ASPH: variants seen among roughly 807,000 people sequenced by gnomAD.
The protein encoded by ASPH is aspartate beta-hydroxylase, also known as aspartyl/asparaginyl beta-hydroxylase.
In ASPH, 100 loss-of-function variants were observed where a neutral mutation model predicts 118.4. The ratio of observed to expected loss-of-function variants is 0.84; its 90% CI spans 0.72 to 1.00. The LOEUF is 1.00. Ranked by LOEUF, ASPH falls within the 50% of genes least tolerant of loss-of-function variation. The pLI is 0.00. For missense variants in ASPH, 920 were observed against 919.5 expected (o/e 1.00, Z -0.01); for synonymous variants, 315 against 325.6 (o/e 0.97, Z 0.35).
chr8:61,501,061 A>C lies in ASPH; in HGVS notation c.*2298T>G, dbSNP rs1804815874. On this transcript the variant is annotated 3_prime_UTR_variant, in exon 25 of 25. Coordinates refer to ENST00000379454, the MANE Select transcript of ASPH (RefSeq NM_004318.4). ...AAATAAAGTTGAAACAGAATTAAAAATATTTCTCAAACAACTGTATCACAA... is the reference window on the plus strand; with the variant it reads ...AAATAAAGTTGAAACAGAATTAAAACTATTTCTCAAACAACTGTATCACAA... 6.6e-6 allele frequency: 1 copy of C among 152,082 alleles called. No individual in the cohort carries two copies. The highest frequency in any genetic ancestry group is 6.5e-5 in the Admixed American group (1 of 15,278). 9.4% of individuals were successfully genotyped at this position (152,082 alleles called of 1,614,324 possible).
At chr8:61,588,211 G>A (rs1318139215) in intron 14 of ASPH, among the ~76,000 whole-genome samples, 2 of 151,984 alleles carry the variant, frequency 1.3e-5, no homozygotes, top group Non-Finnish European at 2.9e-5. Flanking sequence ...CAAGTGTTTG[G>A]CCCTTTTTCA....
intron 2 of ASPH, among the ~76,000 whole-genome samples, chr8:61,681,944 T>C (rs1048245956): frequency 1.3e-5 from 2 of 152,022 alleles, no homozygotes; most frequent in African/African-American, 4.8e-5. Flanking sequence ...ATAATGTTAA[T>C]GTACAGCAAT....
chr8:61,610,742 T>A (rs1423457190), intron 14 of ASPH, among the ~76,000 whole-genome samples: 1 of 152,246 alleles, frequency 6.6e-6, no homozygotes, highest in Non-Finnish European at 1.5e-5. Flanking sequence ...TAGCTGGAAC[T>A]GAACCACCAG....
intron 22 of ASPH, among the ~76,000 whole-genome samples, chr8:61,519,468 T>A (rs1012941266): frequency 3.9e-5 from 6 of 152,216 alleles, no homozygotes; most frequent in Non-Finnish European, 8.8e-5. Context: ...ACTGTACTTA[T>A]TTTTTCCCCT....
At position 61,502,277 on chromosome 8, in the gene ASPH, A is replaced by G. The variant is rs1412527793; in HGVS notation, c.*1082T>C. On this transcript the variant is annotated 3_prime_UTR_variant, in exon 25 of 25. Coordinates refer to ENST00000379454, the MANE Select transcript of ASPH (RefSeq NM_004318.4). ...AAAAGGAAAGTAATCTGGACCTCCT[A>G]CGCCCAAGAAAAACATCCTGGCATT... The G allele has an allele frequency of 6.6e-6, 1 of 152,188 alleles. No homozygotes were observed. The highest frequency in any genetic ancestry group is 1.5e-5 in the Non-Finnish European group (1 of 68,034). The allele number at this position is 152,188 out of a possible 1,614,324, so 9.4% of individuals were successfully genotyped here. A position where few individuals can be genotyped will look rare whatever the true frequency, so the allele number is the denominator to read the frequency against.
At chr8:61,547,531 T>TAGG (rs1262694188) in intron 21 of ASPH, among the ~76,000 whole-genome samples, 2 of 152,176 alleles carry the variant, frequency 1.3e-5, no homozygotes, top group Non-Finnish European at 2.9e-5. Context: ...CTACATGAGG[T>TAGG]AGGACATCAC....
chr8:61,711,619 T>C lies in ASPH; in HGVS notation c.103+2650A>G, dbSNP rs552753314. ...AATTCCAGCTTCCAAACATCACTTT[T>C]CAGCAAAAAAACCACCAAGATAAAG... On this transcript the variant is annotated intron_variant, in intron 1 of 24. Transcript: ENST00000379454. Among the ~76,000 whole-genome samples the C allele has an allele frequency of 4.6e-5, 7 of 151,936 alleles. No homozygotes were observed. In the South Asian group the frequency reaches 1.5e-3, roughly 32 times the overall value.
In ASPH at chr8:61,625,886, C is replaced by T. The variant is rs766622543; in HGVS notation, c.935-6867G>A. The T allele has an allele frequency of 5.0e-5, 51 of 1,013,194 alleles. No homozygotes were observed. In the South Asian group the frequency reaches 6.5e-4, roughly 13 times the overall value. 62.8% of individuals were successfully genotyped at this position (1,013,194 alleles called of 1,614,324 possible). The stretch of plus-strand genomic sequence containing the variant: ...TCAGTCCAACAGTTAGTGTTAATTA[C>T]TAATAATATATGAAAACCCTGCCAA... On this transcript the variant is annotated intron_variant, in intron 13 of 24. Coordinates refer to ENST00000379454, the MANE Select transcript of ASPH (RefSeq NM_004318.4).
At chr8:61,536,583 TG>T in intron 21 of ASPH, among the ~76,000 whole-genome samples, 2 of 152,266 alleles carry the variant, frequency 1.3e-5, no homozygotes, top group South Asian at 4.1e-4. Flanking sequence ...GGACATCCTA[TG>T]TGATTAGAGG....
rs958908594 is a variant in ASPH at position 61,709,294 on chromosome 8, A to G, written c.103+4975T>C. On this transcript the variant is annotated intron_variant, in intron 1 of 24. Transcript: ENST00000379454. ...AAAATTTTAAAAATAATGACTAACA[A>G]GAAAATACCATCTTGGCTCCCAGCA... Among the ~76,000 whole-genome samples the G allele has an allele frequency of 9.9e-5, 15 of 152,232 alleles. 1 individual carries two copies. The highest frequency in any genetic ancestry group is 2.9e-5 in the Non-Finnish European group (2 of 68,048).
At chr8:61,517,793 T>A in intron 23 of ASPH, 132 bp from the exon 24 acceptor site, 2 of 1,299,904 alleles carry the variant, frequency 1.5e-6, no homozygotes, top group Non-Finnish European at 2.1e-6. Flanking sequence ...TATATTCAAG[T>A]CTTATTTCTT....
intron 21 of ASPH, among the ~76,000 whole-genome samples, chr8:61,537,902 T>C (rs1015466164): frequency 6.6e-6 from 1 of 152,068 alleles, no homozygotes; most frequent in Admixed American, 6.6e-5. Context: ...CCTCTTTGTA[T>C]GAAATAACTC....
At chr8:61,642,959 A>G in intron 9 of ASPH, 39 bp from the exon 10 acceptor site, 1 of 1,514,834 alleles carries the variant, frequency 6.6e-7, no homozygotes, top group South Asian at 1.2e-5. Flanking sequence ...ATAAGTATTA[A>G]CTGAGTCATT....
chr8:61,577,399 C>CAAAAAAAAAAAA (rs775523503), intron 15 of ASPH, among the ~76,000 whole-genome samples: 34 of 23,282 alleles, frequency 1.5e-3, no homozygotes, highest in South Asian at 2.2e-3. Context: ...CCCAATCTCG[C>CAAAAAAAAAAAA]AAAAAAAAAA....
At chr8:61,557,446 C>T (rs1828282701) in intron 18 of ASPH, among the ~76,000 whole-genome samples, 1 of 152,278 alleles carries the variant, frequency 6.6e-6, no homozygotes, top group Middle Eastern at 3.4e-3. Flanking sequence ...GGCTCAGACT[C>T]TTCCGCCAGA....
At chr8:61,598,861 T>C (rs562957571) in intron 14 of ASPH, among the ~76,000 whole-genome samples, 1 of 152,174 alleles carries the variant, frequency 6.6e-6, no homozygotes, top group African/African-American at 2.4e-5. Flanking sequence ...ATTTTACAAA[T>C]ACATGAAAAT....
chr8:61,524,386 A>G (rs1274082931), intron 22 of ASPH, among the ~76,000 whole-genome samples: 2 of 152,204 alleles, frequency 1.3e-5, no homozygotes, highest in Non-Finnish European at 2.9e-5. Context: ...AAAAAAGAAC[A>G]GGAGAAGGAA....
At chr8:61,609,883 C>CT (rs1177510242) in intron 14 of ASPH, among the ~76,000 whole-genome samples, 1 of 152,156 alleles carries the variant, frequency 6.6e-6, no homozygotes, top group East Asian at 1.9e-4. Flanking sequence ...ACAGCACTGT[C>CT]TTTTTATGGC....
intron 21 of ASPH, among the ~76,000 whole-genome samples, chr8:61,546,828 A>T (rs958358999): frequency 2.2e-4 from 34 of 152,330 alleles, no homozygotes; most frequent in African/African-American, 7.7e-4. Context: ...AAAAATTATG[A>T]AAAATTTCAA....
Sources: gnomAD v4.1 joint callset for allele counts (sites outside exome capture counted in the v4.1 genomes callset) on GRCh38, gnomAD v4.1.1 for gene constraint, MANE v1.5 for transcripts, NCBI Gene and HGNC (gene_info 2026-07-23, HGNC 2026-07-21) for gene names.